The following ABCB1 variants were observed in gnomAD, a reference collection of about 807,000 sequenced individuals.
ABCB1 encodes the protein ATP binding cassette subfamily B member 1.
In ABCB1, 69 loss-of-function variants were observed where a neutral mutation model predicts 142.0. That is an observed-to-expected ratio of 0.49 (90% confidence interval 0.40 to 0.59). The LOEUF is 0.59. Among genes scored for constraint, ABCB1 ranks in the 20% least tolerant of loss-of-function variants. ABCB1 has a pLI of 0.00. For missense variants in ABCB1, 1,326 were observed against 1,554.7 expected, an observed-to-expected ratio of 0.85 and a Z score of 2.47; for synonymous variants, 532 against 539.2, an observed-to-expected ratio of 0.99 and a Z score of 0.18.
chr7:87,566,599 C>T (rs925924062), intron 6 of ABCB1, among the ~76,000 whole-genome samples, 186 bp downstream of exon 6: 2 of 152,140 alleles, frequency 1.3e-5, no homozygotes, highest in African/African-American at 4.8e-5. Context: ...TGCAGGTCCC[C>T]CCATACCCTG....
At chr7:87,677,307 A>ACC (rs1484411128) in intron 1 of ABCB1, among the ~76,000 whole-genome samples, 2 of 149,162 alleles carry the variant, frequency 1.3e-5, no homozygotes, top group Non-Finnish European at 3.0e-5. Context: ...ACACACACAC[A>ACC]CACCACAATG....
At position 87,531,389 on chromosome 7, in the gene ABCB1, T is replaced by C. The variant is rs539556127; in HGVS notation, c.2590A>G (p.Ile864Val). 3 of 1,613,552 alleles carry C rather than the reference T, an allele frequency of 1.9e-6. No homozygotes were observed. The African/African-American group carries it at 4.0e-5, about 22-fold the overall frequency. ...GWQLTLLLLA[I>V]VPIIAIAGVV... ...CCTGCTATTGCAATGATGGGTACAATTGCTAAGAGTAACAGTGTTAGTTGC... is the reference window on the plus strand; with the variant it reads ...CCTGCTATTGCAATGATGGGTACAACTGCTAAGAGTAACAGTGTTAGTTGC... Residue 864 changes from isoleucine to valine, a missense_variant, in exon 21 of 28, where the codon ATT becomes GTT. Transcript: ENST00000622132.
At chr7:87,611,694 G>A (rs553435827) in intron 1 of ABCB1, among the ~76,000 whole-genome samples, 2 of 151,956 alleles carry the variant, frequency 1.3e-5, no homozygotes, top group Non-Finnish European at 2.9e-5. Context: ...ATTTTTAAAT[G>A]CTTACAGCAA....
intron 14 of ABCB1, among the ~76,000 whole-genome samples, chr7:87,547,246 A>G (rs533148826): frequency 6.6e-6 from 1 of 152,370 alleles, no homozygotes; most frequent in Admixed American, 6.5e-5. Context: ...TACACAAGGA[A>G]AAATTAGGTG....
At chr7:87,540,607 G>A (rs1584861119) in intron 18 of ABCB1, among the ~76,000 whole-genome samples, 2 of 152,130 alleles carry the variant, frequency 1.3e-5, no homozygotes, top group African/African-American at 2.4e-5. Context: ...GGATCACCAC[G>A]CCCTGTTAAT....
intron 4 of ABCB1, among the ~76,000 whole-genome samples, chr7:87,571,189 T>G (rs2129842354): frequency 6.6e-6 from 1 of 152,294 alleles, no homozygotes; most frequent in African/African-American, 2.4e-5. Context: ...TCTAGCAAAG[T>G]GAACAATATG....
upstream of ABCB1, among the ~76,000 whole-genome samples, chr7:87,604,002 G>A (rs1002548159): frequency 6.6e-6 from 1 of 152,042 alleles, no homozygotes; most frequent in African/African-American, 2.4e-5. Flanking sequence ...GCCCTCCTTA[G>A]CATTCTTTGC....
intron 21 of ABCB1, among the ~76,000 whole-genome samples, chr7:87,525,372 C>T (rs1435106050): frequency 6.6e-6 from 1 of 152,100 alleles, no homozygotes; most frequent in Non-Finnish European, 1.5e-5. Context: ...AAAAAAGCAT[C>T]TACAATGGAG....
intron 1 of ABCB1, among the ~76,000 whole-genome samples, chr7:87,705,822 G>T (rs910216787): frequency 5.9e-5 from 9 of 151,956 alleles, no homozygotes; most frequent in Non-Finnish European, 1.3e-4. Flanking sequence ...ACTCCCAATT[G>T]AATCTTTAGT....
At chr7:87,609,507 G>GT (rs60147036) in intron 1 of ABCB1, among the ~76,000 whole-genome samples, 2,105 of 152,150 alleles carry the variant, frequency 0.014, 46 homozygotes, top group African/African-American at 0.048. Context: ...AACAACACAG[G>GT]TTTTCTGACA....
chr7:87,626,908 TGC>T (rs1468426988), intron 1 of ABCB1, among the ~76,000 whole-genome samples: 2 of 151,996 alleles, frequency 1.3e-5, no homozygotes, highest in Non-Finnish European at 2.9e-5. Flanking sequence ...ACCGAGTAGC[TGC>T]CACTACAGGC....
intron 9 of ABCB1, among the ~76,000 whole-genome samples, chr7:87,551,466 ATT>A (rs1220482031): frequency 6.6e-6 from 1 of 152,176 alleles, no homozygotes; most frequent in Non-Finnish European, 1.5e-5. Flanking sequence ...TGCAATTATG[ATT>A]TGTCAATTAA....
intron 1 of ABCB1, among the ~76,000 whole-genome samples, chr7:87,705,093 A>G (rs762893211): frequency 1.3e-5 from 2 of 152,204 alleles, no homozygotes; most frequent in Non-Finnish European, 2.9e-5. Flanking sequence ...ATATTGTAGA[A>G]GCTTGTCACC....
chr7:87,530,518 A>C (rs1180661235), intron 21 of ABCB1, among the ~76,000 whole-genome samples: 1 of 152,136 alleles, frequency 6.6e-6, no homozygotes, highest in Non-Finnish European at 1.5e-5. Context: ...TTGCCTGGAA[A>C]CACAGTAAAT....
At chr7:87,646,899 A>G (rs928337251) in intron 1 of ABCB1, among the ~76,000 whole-genome samples, 10 of 152,268 alleles carry the variant, frequency 6.6e-5, no homozygotes, top group African/African-American at 1.9e-4. Flanking sequence ...TCCGTTAGGT[A>G]CAAGAAACTA....
chr7:87,609,687 T>TGACCAGCTA (rs1819782222), intron 1 of ABCB1, among the ~76,000 whole-genome samples: 2 of 152,296 alleles, frequency 1.3e-5, no homozygotes, highest in South Asian at 4.1e-4. Flanking sequence ...TTTTTGCTCT[T>TGACCAGCTA]GACCAGCTAG....
rs9282564 is a variant in ABCB1, at chr7:87,600,124, T to C, written c.61A>G (p.Asn21Asp). The C allele has an allele frequency of 0.092, 148,075 of 1,612,594 alleles. 8,366 individuals carry two copies. The highest frequency in any genetic ancestry group is 0.11 in the Non-Finnish European group (126,305 of 1,178,684). ...AKKKNFFKLN[N>D]KSEKDKKEKK... The stretch of plus-strand genomic sequence containing the variant: ...ATGAAACAAGCTAGTTACCTTTTAT[T>C]GTTCAGTTTAAAAAAGTTCTTCTTC... The change falls in exon 2 of 28, where the codon AAT becomes GAT. Residue 21 changes from asparagine (N) to aspartate (D), a missense_variant. Physicochemically the swap from Asn to Asp is conservative, Grantham distance 23. Coordinates refer to ENST00000622132, the MANE Select transcript of ABCB1 (RefSeq NM_001348946.2).
At chr7:87,550,962 A>G (rs1584872560) in intron 9 of ABCB1, 124 bp from the exon 10 acceptor site, 1 of 676,954 alleles carries the variant, frequency 1.5e-6, no homozygotes, top group East Asian at 2.7e-5. Flanking sequence ...ACATATAAAT[A>G]CTAGGTGTTA....
rs757784124 is a variant in ABCB1, at chr7:87,536,593, A to G, written c.2398-52T>C. The G allele has an allele frequency of 2.6e-6, 4 of 1,559,872 alleles. No homozygotes were observed. In the African/African-American group the frequency reaches 5.4e-5, roughly 21 times the overall value. ...CCTTAAAGCTGTTTATGAGACTCTC[A>G]GCTCCAAGAGGGCAGCGATGGGGTC... On this transcript the variant is annotated intron_variant, in intron 19 of 27. Coordinates refer to ENST00000622132, the MANE Select transcript of ABCB1 (RefSeq NM_001348946.2).
Sources: gnomAD v4.1 joint callset for allele counts (sites outside exome capture counted in the v4.1 genomes callset) on GRCh38, gnomAD v4.1.1 for gene constraint, MANE v1.5 for transcripts, NCBI Gene and HGNC (gene_info 2026-07-23, HGNC 2026-07-21) for gene names.